Variants in KIF5A observed in about 807,000 individuals in gnomAD.
KIF5A encodes the protein kinesin heavy chain isoform 5A.
In KIF5A, 35 loss-of-function variants were observed where a neutral mutation model predicts 141.3. The ratio of observed to expected loss-of-function variants is 0.25; its 90% confidence interval spans 0.19 to 0.33. KIF5A has a LOEUF of 0.33. Among genes scored for constraint, KIF5A ranks in the 10% least tolerant of loss-of-function variants. The probability of loss-of-function intolerance (pLI) is 1.00; values close to 1 mark genes in which losing one functional copy is unlikely to be tolerated. For missense variants in KIF5A, 861 were observed against 1,314.3 expected, an observed-to-expected ratio of 0.66 and a Z score of 5.33; for synonymous variants, 448 against 500.2, an observed-to-expected ratio of 0.90 and a Z score of 1.39.
intron 1 of KIF5A, among the ~76,000 whole-genome samples, chr12:57,562,444 C>T (rs917198521): frequency 2.6e-5 from 4 of 152,138 alleles, no homozygotes; most frequent in African/African-American, 9.7e-5. Context: ...TCGAACTCCT[C>T]ACCTCAGGTG....
chr12:57,563,341 A>G, intron 1 of KIF5A, 98 bp from the exon 2 acceptor site: 2 of 864,802 alleles, frequency 2.3e-6, no homozygotes, highest in Admixed American at 1.9e-5. Context: ...GGCATTGAAG[A>G]AAAGGGTGCC....
intron 23 of KIF5A, among the ~76,000 whole-genome samples, chr12:57,580,367 T>G (rs1323697607): frequency 6.6e-6 from 1 of 152,198 alleles, no homozygotes; most frequent in Non-Finnish European, 1.5e-5. Flanking sequence ...TTGTGAGACC[T>G]CAAACATTTT....
intron 25 of KIF5A, 63 bp downstream of exon 25, chr12:57,581,631 G>C: frequency 6.4e-7 from 1 of 1,571,158 alleles, no homozygotes; most frequent in Non-Finnish European, 8.7e-7. Flanking sequence ...AGAAGGCATA[G>C]GGTGGGGGCA....
rs1882658451 is a variant in KIF5A, at chr12:57,583,159, C to T, written c.3079C>T (p.Gln1027Ter). 1 of 1,613,868 alleles carries T rather than the reference C, an allele frequency of 6.2e-7. No individual in the cohort carries two copies. Among genetic ancestry groups the T allele is most frequent in the Admixed American group, 1.7e-5 (1 of 59,984 alleles). ...EDQAKLFPLH[Q>*]ETAAS is the part of the protein sequence containing the mutation. ...CCAGGCCAAGCTTTTCCCTCTCCAC[C>T]AAGAGACAGCAGCCAGCTAATCTCC... is the stretch of plus-strand genomic sequence containing the variant. Residue 1027 changes from glutamine (Q) to a stop codon, truncating the protein, a stop_gained, in exon 28 of 29, where the codon CAA becomes TAA. Coordinates refer to ENST00000455537, the MANE Select transcript of KIF5A (RefSeq NM_004984.4). LOFTEE classifies it high-confidence loss of function.
chr12:57,586,269 T>A lies in KIF5A; in HGVS notation c.*2088T>A, dbSNP rs1398889432. 1 of 152,160 alleles carries A rather than the reference T, an allele frequency of 6.6e-6. No homozygotes were observed. The highest frequency in any genetic ancestry group is 2.4e-5 in the African/African-American group (1 of 41,426). 9.4% of individuals were successfully genotyped at this position (152,160 alleles called of 1,614,324 possible). On this transcript the variant is annotated 3_prime_UTR_variant, in exon 29 of 29. Transcript: ENST00000455537. ...TAATGTTGCCACCACATGGTTCTTTTAAAAACACATAAGGAAATGTGAGGG... is the reference window on the plus strand; with the variant it reads ...TAATGTTGCCACCACATGGTTCTTTAAAAAACACATAAGGAAATGTGAGGG...
chr12:57,579,003 G>A (rs1441881271), intron 23 of KIF5A, among the ~76,000 whole-genome samples: 1 of 152,096 alleles, frequency 6.6e-6, no homozygotes, highest in Admixed American at 6.5e-5. Flanking sequence ...AGTAGAGGCT[G>A]CAGTGAGCTG....
At position 57,566,163 on chromosome 12, in the gene KIF5A, G is replaced by A. The variant is rs112039340; in HGVS notation, c.502-963G>A. The stretch of plus-strand genomic sequence containing the variant: ...TCTGTCACCCAGGCTGTAGTGCAAT[G>A]GCATGATCTTGGCTCACTGCAACCT... On this transcript the variant is annotated intron_variant, in intron 6 of 28. Transcript: ENST00000455537. 8.1e-3 allele frequency among the ~76,000 whole-genome samples: 1,235 copies of A among 151,984 alleles called. 19 individuals carry two copies. Among genetic ancestry groups the A allele is most frequent in the African/African-American group, 0.028 (1,178 of 41,488 alleles).
intron 19 of KIF5A, 58 bp from the exon 20 acceptor site, chr12:57,576,703 C>T (rs1882437149): frequency 1.6e-6 from 2 of 1,280,182 alleles, no homozygotes; most frequent in East Asian, 2.3e-5. Flanking sequence ...GCTGGCCTTC[C>T]CTTCCCCCTC....
chr12:57,575,354 C>G (rs1375018786), intron 16 of KIF5A, 82 bp downstream of exon 16: 1 of 1,396,518 alleles, frequency 7.2e-7, no homozygotes, highest in East Asian at 2.4e-5. Context: ...CTCCTAACAC[C>G]CACCTTTATG....
At chr12:57,582,063 T>G (rs1882622629) in intron 26 of KIF5A, 111 bp downstream of exon 26, 3 of 883,872 alleles carry the variant, frequency 3.4e-6, no homozygotes, top group Admixed American at 4.0e-5. Flanking sequence ...CTTTCTGGTG[T>G]GCCAAGGCTT....
rs57562029 is a variant in KIF5A at position 57,551,872 on chromosome 12, GTCTCTCTC to G, written c.129+1500_129+1507del. Among the ~76,000 whole-genome samples, 269 of 145,558 alleles carry G rather than the reference GTCTCTCTC, an allele frequency of 1.8e-3. 1 individual carries two copies. Among genetic ancestry groups the G allele is most frequent in the South Asian group, 3.7e-3 (17 of 4,534 alleles). On this transcript the variant is annotated intron_variant, in intron 1 of 28. Coordinates refer to ENST00000455537, the MANE Select transcript of KIF5A (RefSeq NM_004984.4). ...CTGTTAACTCAAATGGATGCTTTTG[GTCTCTCTC>G]TCTCTCTCTCTCTCTCTCTCTCTCT...
chr12:57,572,117 G>C lies in KIF5A; in HGVS notation c.1419G>C (p.Leu473=). Residue 473 remains leucine, a synonymous_variant, in exon 14 of 29, where the codon CTG becomes CTC. Coordinates refer to ENST00000455537, the MANE Select transcript of KIF5A (RefSeq NM_004984.4). This position sits in a 1 kb window ranked among gnomAD's most constrained non-coding sequence, Gnocchi z 4.2. ...AGGTCCAGCGGGAGCTGAGCCACCTGCAATCAGAGAACGATGCCGCTAAGG... is the reference window on the plus strand; with the variant it reads ...AGGTCCAGCGGGAGCTGAGCCACCTCCAATCAGAGAACGATGCCGCTAAGG... The part of the protein sequence containing the change: ...NEKVQRELSH[L]QSENDAAKDE... 1 of 1,614,166 alleles carries C rather than the reference G, an allele frequency of 6.2e-7. No homozygotes were observed. The highest frequency in any genetic ancestry group is 8.5e-7 in the Non-Finnish European group (1 of 1,180,044).
Position 57,550,266 on chromosome 12 carries a change from A to G in KIF5A, c.-6A>G, listed in dbSNP as rs1357249201. The stretch of plus-strand genomic sequence containing the variant: ...GAAGAGTCCCAGCCCCACGCCGGCT[A>G]CCACCATGGCGGAGACCAACAACGA... On this transcript the variant is annotated 5_prime_UTR_variant, in exon 1 of 29. Coordinates refer to ENST00000455537, the MANE Select transcript of KIF5A (RefSeq NM_004984.4). This position sits in a 1 kb window ranked among gnomAD's most constrained non-coding sequence, Gnocchi z 4.6. 19 of 1,613,890 alleles carry G rather than the reference A, an allele frequency of 1.2e-5. No homozygotes were observed. Among genetic ancestry groups the G allele is most frequent in the Non-Finnish European group, 1.5e-5 (18 of 1,179,978 alleles).
Position 57,576,063 on chromosome 12 carries a change from G to C in KIF5A, c.2024-24G>C, listed in dbSNP as rs999488746. 3 of 1,612,068 alleles carry C rather than the reference G, an allele frequency of 1.9e-6. No homozygotes were observed. The African/African-American group carries it at 4.0e-5, about 22-fold the overall frequency. On this transcript the variant is annotated intron_variant, in intron 17 of 28. Coordinates refer to ENST00000455537, the MANE Select transcript of KIF5A (RefSeq NM_004984.4). ...TCCGAAAGAGGTAGGTTTGATGTCA[G>C]CTGTCTTCCCCTCTTTCCCTTAGAA...
intron 7 of KIF5A, 21 bp downstream of exon 7, chr12:57,567,234 A>C (rs571949282): frequency 1.9e-6 from 3 of 1,576,200 alleles, no homozygotes; most frequent in East Asian, 4.5e-5. Context: ...ATACAAGGGG[A>C]TCTCTCGAGT....
At chr12:57,575,453 C>T (rs1882391787) in intron 16 of KIF5A, among the ~76,000 whole-genome samples, 181 bp downstream of exon 16, 1 of 152,200 alleles carries the variant, frequency 6.6e-6, no homozygotes, top group African/African-American at 2.4e-5. Flanking sequence ...AGGCTCAGGG[C>T]GGGTACTGCC....
chr12:57,568,117 G>A (rs1342928603), intron 8 of KIF5A, among the ~76,000 whole-genome samples: 3 of 151,922 alleles, frequency 2.0e-5, no homozygotes, highest in Non-Finnish European at 4.4e-5. Context: ...TCCTGACCTC[G>A]GGATCCACCT....
intron 26 of KIF5A, among the ~76,000 whole-genome samples, 155 bp downstream of exon 26, chr12:57,582,107 G>A (rs1364140414): frequency 6.6e-6 from 1 of 151,946 alleles, no homozygotes; most frequent in African/African-American, 2.4e-5. Flanking sequence ...AGCCAGGTGT[G>A]GTGGCATGCA....
chr12:57,581,366 A>C (rs1882592771), intron 24 of KIF5A, 49 bp from the exon 25 acceptor site: 1 of 1,610,900 alleles, frequency 6.2e-7, no homozygotes, highest in African/African-American at 1.3e-5. Flanking sequence ...GGACCAGGGC[A>C]AATGCAGGGT....
Sources: allele counts gnomAD v4.1 joint callset (sites outside exome capture counted in the v4.1 genomes callset), GRCh38; gene constraint gnomAD v4.1.1; non-coding constraint Gnocchi (gnomAD v3.1); transcripts MANE v1.5; gene names NCBI Gene and HGNC (gene_info 2026-07-23, HGNC 2026-07-21).